TPO: variants seen among roughly 807,000 people sequenced by gnomAD.
TPO encodes thyroid microsomal antigen.
TPO carries 78 observed loss-of-function variants against 96.9 expected under a neutral mutation model. The ratio of observed to expected loss-of-function variants is 0.81; its 90% confidence interval spans 0.67 to 0.97. The LOEUF (loss-of-function observed/expected upper bound fraction) is 0.97, where lower values mean the gene tolerates loss of function less well. Among genes scored for constraint, TPO ranks in the 50% least tolerant of loss-of-function variants. The pLI is 0.00. For missense variants in TPO, 1,252 were observed against 1,274.8 expected (o/e 0.98, Z 0.27); for synonymous variants, 547 against 538.0 (o/e 1.02, Z -0.23).
At chr2:1,422,686 A>G (rs1282446168) in intron 2 of TPO, among the ~76,000 whole-genome samples, 5 of 152,204 alleles carry the variant, frequency 3.3e-5, no homozygotes, top group African/African-American at 1.2e-4. Flanking sequence ...TTTATCTTTT[A>G]TTAAATACAC....
chr2:1,541,203 AAGCAGAG>A, intron 16 of TPO: 13 of 1,166,976 alleles, frequency 1.1e-5, no homozygotes, highest in Non-Finnish European at 1.4e-5. Context: ...GAACTGAGAG[AAGCAGAG>A]AGCAGAACAG....
intron 8 of TPO, among the ~76,000 whole-genome samples, chr2:1,481,021 G>C (rs554961643): frequency 6.6e-6 from 1 of 151,566 alleles, no homozygotes; most frequent in Non-Finnish European, 1.5e-5. Context: ...CCTCTGTGCT[G>C]GTTCCTGGGA....
intron 4 of TPO, among the ~76,000 whole-genome samples, 163 bp from the exon 5 acceptor site, chr2:1,436,089 C>T (rs1239959360): frequency 1.3e-5 from 2 of 152,168 alleles, no homozygotes; most frequent in Non-Finnish European, 2.9e-5. Context: ...TGAGTGAGCA[C>T]TTGATGTAAA....
chr2:1,468,322 A>G (rs1035105821), intron 7 of TPO, among the ~76,000 whole-genome samples: 4 of 151,912 alleles, frequency 2.6e-5, no homozygotes, highest in African/African-American at 9.7e-5. Context: ...TGCTTTAAAG[A>G]GGTTGTGTTT....
intron 5 of TPO, among the ~76,000 whole-genome samples, chr2:1,442,315 G>A (rs1186071359): frequency 6.6e-6 from 1 of 152,204 alleles, no homozygotes; most frequent in East Asian, 1.9e-4. Flanking sequence ...GTCCTCCAGA[G>A]GCAGTGGGGT....
At position 1,486,485 on chromosome 2, in the gene TPO, C is replaced by T. The variant is rs28911473; in HGVS notation, c.1598-1336C>T. Among the ~76,000 whole-genome samples, 1,358 of 150,496 alleles carry T rather than the reference C, an allele frequency of 9.0e-3. 28 individuals are homozygous for T. Among genetic ancestry groups the T allele is most frequent in the African/African-American group, 0.031 (1,269 of 40,880 alleles). On this transcript the variant is annotated intron_variant, in intron 9 of 16. Transcript: ENST00000329066. ...TGGGAGGCAGAGGGTGCAGGTGAGCCGAGATCTCACCATTGCATTCCAGAC... is the reference window on the plus strand; with the variant it reads ...TGGGAGGCAGAGGGTGCAGGTGAGCTGAGATCTCACCATTGCATTCCAGAC...
chr2:1,426,271 A>G (rs1450331582), intron 3 of TPO, among the ~76,000 whole-genome samples: 1 of 148,970 alleles, frequency 6.7e-6, no homozygotes, highest in African/African-American at 2.5e-5. Context: ...TATACTCAGA[A>G]GTCCATGCTC....
At chr2:1,503,925 G>A in intron 13 of TPO, 23 bp from the exon 14 acceptor site, 2 of 1,614,168 alleles carry the variant, frequency 1.2e-6, no homozygotes, top group Non-Finnish European at 8.5e-7. Flanking sequence ...CCTCTCACGT[G>A]TGTGGCCTTG....
chr2:1,537,351 C>T (rs1472928148), intron 15 of TPO, among the ~76,000 whole-genome samples: 5 of 112,410 alleles, frequency 4.4e-5, no homozygotes, highest in African/African-American at 1.4e-4. Context: ...CCACTCTGTT[C>T]GACCTCCGCC....
intron 7 of TPO, among the ~76,000 whole-genome samples, chr2:1,474,315 A>G (rs1669704312): frequency 6.6e-6 from 1 of 152,204 alleles, no homozygotes; most frequent in African/African-American, 2.4e-5. Flanking sequence ...CATTCTGTGA[A>G]TAGATTCTAT....
chr2:1,528,698 T>C (rs1449291903), intron 15 of TPO, among the ~76,000 whole-genome samples: 7 of 109,280 alleles, frequency 6.4e-5, no homozygotes, highest in Non-Finnish European at 1.2e-4. Context: ...CCCTACCTTG[T>C]GCAACCTCCC....
intron 3 of TPO, among the ~76,000 whole-genome samples, chr2:1,430,543 C>T (rs113652440): frequency 0.031 from 4,752 of 152,306 alleles, 259 homozygotes; most frequent in African/African-American, 0.11. Flanking sequence ...GGAAGGGGGC[C>T]ATCGCCCTGC....
intron 8 of TPO, among the ~76,000 whole-genome samples, chr2:1,478,522 T>G (rs1425431171): frequency 2.0e-5 from 3 of 152,228 alleles, no homozygotes; most frequent in Non-Finnish European, 4.4e-5. Context: ...CTTTCTGGCC[T>G]TCACTGCACT....
rs1678799114 is a variant in TPO, at chr2:1,533,380, C to T, written c.2619-7214C>T. Among the ~76,000 whole-genome samples, 6 of 136,408 alleles carry T rather than the reference C, an allele frequency of 4.4e-5. No individual in the cohort carries two copies. In the South Asian group the frequency reaches 1.0e-3, roughly 23 times the overall value. 89.5% of individuals were successfully genotyped at this position (136,408 alleles called of 152,430 possible). On this transcript the variant is annotated intron_variant, in intron 15 of 16. Transcript: ENST00000329066. ...AAATCCCCCCACTGTGTGCAACCTC[C>T]TCAAATCCCCACACTGTTTGCAACC...
intron 15 of TPO, among the ~76,000 whole-genome samples, chr2:1,525,552 T>TC (rs1676247788): frequency 3.8e-5 from 1 of 26,022 alleles, no homozygotes; most frequent in African/African-American, 1.6e-4. Flanking sequence ...CCTCCCAAAA[T>TC]CCCCCCACTG....
At chr2:1,447,847 G>A (rs889960862) in intron 5 of TPO, among the ~76,000 whole-genome samples, 6 of 152,256 alleles carry the variant, frequency 3.9e-5, no homozygotes, top group African/African-American at 1.2e-4. Context: ...GTGTGTGGGC[G>A]AGGACTGCTA....
intron 1 of TPO, among the ~76,000 whole-genome samples, chr2:1,380,134 C>A (rs746143982): frequency 7.2e-5 from 11 of 152,132 alleles, no homozygotes; most frequent in Non-Finnish European, 1.2e-4. Context: ...GTGGCTCACG[C>A]CTGTAATCCC....
Position 1,512,039 on chromosome 2 carries a change from C to CT in TPO, c.2519-4832dup, listed in dbSNP as rs879936687. ...ACATACATTTATCTATTTCCTGCAT[C>CT]TTTTTTTTTTTTGAGACGGAGTCTC... On this transcript the variant is annotated intron_variant, in intron 14 of 16. Coordinates refer to ENST00000329066, the MANE Select transcript of TPO (RefSeq NM_001206744.2). Among the ~76,000 whole-genome samples the CT allele has an allele frequency of 9.5e-3, 1,402 of 147,054 alleles. 10 individuals carry two copies. The highest frequency in any genetic ancestry group is 0.027 in the African/African-American group (1,090 of 40,586).
In TPO at chr2:1,516,346, C is replaced by A. The variant is rs28913007; in HGVS notation, c.2519-537C>A. Among the ~76,000 whole-genome samples, 2,029 of 152,336 alleles carry A rather than the reference C, an allele frequency of 0.013. 67 individuals are homozygous for A. In the East Asian group the frequency reaches 0.13, roughly 10 times the overall value. On this transcript the variant is annotated intron_variant, in intron 14 of 16. Transcript: ENST00000329066. The stretch of plus-strand genomic sequence containing the variant: ...ATCTGCTGCCATCCCGTGCCCCCGT[C>A]CCCCCAGGGCTCCAGCTCTGCAAGG...
Sources: gnomAD v4.1 joint callset for allele counts (sites outside exome capture counted in the v4.1 genomes callset) on GRCh38, gnomAD v4.1.1 for gene constraint, MANE v1.5 for transcripts, NCBI Gene and HGNC (gene_info 2026-07-23, HGNC 2026-07-21) for gene names.